The following HSD17B12 variants were observed in gnomAD, a reference collection of about 807,000 sequenced individuals.
HSD17B12 encodes very-long-chain 3-oxoacyl-CoA reductase.
HSD17B12 carries 32 observed loss-of-function variants against 39.3 expected under a neutral mutation model. The observed-to-expected ratio is 0.81, with a 90% CI of 0.61 to 1.09. HSD17B12 has a LOEUF of 1.09. HSD17B12 is among the 50% of genes least tolerant of loss of function. The pLI is 0.00. For synonymous variants in HSD17B12, 150 were observed against 146.7 expected (o/e 1.02, Z -0.16); for missense variants, 342 against 382.9 (o/e 0.89, Z 0.89).
chr11:43,687,883 G>A (rs1337759852), intron 1 of HSD17B12, among the ~76,000 whole-genome samples: 1 of 152,206 alleles, frequency 6.6e-6, no homozygotes, highest in Non-Finnish European at 1.5e-5. Context: ...ATCAGTCTAG[G>A]TATTCAGATA....
At chr11:43,671,425 C>T in the HSD17B12 span, among the ~76,000 whole-genome samples, 1 of 152,260 alleles carries the variant, frequency 6.6e-6, no homozygotes, top group Non-Finnish European at 1.5e-5. Flanking sequence ...AGGTAATCCG[C>T]CAATTTTGGC....
At chr11:43,725,401 C>G (rs1339183921) in intron 1 of HSD17B12, among the ~76,000 whole-genome samples, 1 of 152,136 alleles carries the variant, frequency 6.6e-6, no homozygotes, top group Non-Finnish European at 1.5e-5. Context: ...TTCATAATAA[C>G]AGTAATAACA....
chr11:43,700,656 G>T (rs1007129506), intron 1 of HSD17B12, among the ~76,000 whole-genome samples: 3 of 152,156 alleles, frequency 2.0e-5, no homozygotes, highest in African/African-American at 7.2e-5. Context: ...TGTTGTAAAT[G>T]ACTGGAACTC....
rs149122930 is a variant in HSD17B12, at chr11:43,729,600, G to A, written c.161-21311G>A. On this transcript the variant is annotated intron_variant, in intron 1 of 10. Transcript: ENST00000278353. Reference sequence around the variant, plus strand: ...ATCACTGAAAAGTGCATAAGAGGACGCTTAAATCAGACTTGTATTAAAAGT... The same window carrying A: ...ATCACTGAAAAGTGCATAAGAGGACACTTAAATCAGACTTGTATTAAAAGT... 6.5e-3 allele frequency among the ~76,000 whole-genome samples: 989 copies of A among 152,268 alleles called. 5 individuals are homozygous for A. Among genetic ancestry groups the A allele is most frequent in the Middle Eastern group, 0.054 (16 of 294 alleles).
At chr11:43,627,235 G>A in the HSD17B12 span, among the ~76,000 whole-genome samples, 3 of 80,102 alleles carry the variant, frequency 3.7e-5, no homozygotes, top group African/African-American at 1.2e-4. Context: ...ATTAGTCCTT[G>A]ATTTTTTTTT....
chr11:43,644,060 T>C, the HSD17B12 span, among the ~76,000 whole-genome samples: 8 of 152,044 alleles, frequency 5.3e-5, no homozygotes, highest in South Asian at 4.1e-4. Context: ...TTTGAGAAAA[T>C]TTCCGAAGTT....
At chr11:43,760,124 C>CT (rs1385251789) in intron 3 of HSD17B12, among the ~76,000 whole-genome samples, 1 of 152,176 alleles carries the variant, frequency 6.6e-6, no homozygotes, top group Non-Finnish European at 1.5e-5. Context: ...TCTTGAACTC[C>CT]TGGCTTCATG....
chr11:43,774,024 T>C (rs938440005), intron 3 of HSD17B12, among the ~76,000 whole-genome samples: 2 of 152,180 alleles, frequency 1.3e-5, no homozygotes, highest in Non-Finnish European at 2.9e-5. Context: ...CATATGTGTA[T>C]GCTTATAGAA....
intron 1 of HSD17B12, among the ~76,000 whole-genome samples, chr11:43,712,546 T>C (rs1950077453): frequency 6.6e-6 from 1 of 152,168 alleles, no homozygotes; most frequent in Non-Finnish European, 1.5e-5. Context: ...TGTTTAAATC[T>C]ACCTATGACC....
chr11:43,753,426 C>G (rs1288954202), intron 2 of HSD17B12, among the ~76,000 whole-genome samples: 1 of 148,066 alleles, frequency 6.8e-6, no homozygotes, highest in Admixed American at 6.7e-5. Context: ...GCTCTGTTGC[C>G]CAGGCTGGAG....
the HSD17B12 span, among the ~76,000 whole-genome samples, chr11:43,589,980 T>C: frequency 2.1e-4 from 32 of 152,244 alleles, no homozygotes; most frequent in Admixed American, 2.1e-3. Flanking sequence ...TAAATACACA[T>C]TCCAGTGCAT....
the HSD17B12 span, among the ~76,000 whole-genome samples, chr11:43,629,594 TGAA>T: frequency 2.0e-5 from 3 of 152,202 alleles, no homozygotes; most frequent in South Asian, 6.2e-4. Flanking sequence ...GCTTGTCTGG[TGAA>T]GTTCTCCTCA....
chr11:43,813,843 C>T (rs1309584913), intron 4 of HSD17B12, among the ~76,000 whole-genome samples: 1 of 152,112 alleles, frequency 6.6e-6, no homozygotes, highest in Non-Finnish European at 1.5e-5. Context: ...ATAAAGTTTG[C>T]TTTGTCATTG....
chr11:43,768,413 A>T (rs1293446029), intron 3 of HSD17B12, among the ~76,000 whole-genome samples: 1 of 152,226 alleles, frequency 6.6e-6, no homozygotes, highest in African/African-American at 2.4e-5. Context: ...AGAGCACAGT[A>T]GCACAATCTT....
At chr11:43,798,270 ATGTACTAATTTTCCC>A (rs1311431964) in intron 3 of HSD17B12, 35 bp from the exon 4 acceptor site, 1 of 1,032,174 alleles carries the variant, frequency 9.7e-7, no homozygotes, top group South Asian at 1.3e-5. Context: ...CTTCACTGCC[ATGTACTAATTTTCCC>A]TGTCTCTCCC....
At chr11:43,828,873 C>T (rs116273162) in intron 6 of HSD17B12, among the ~76,000 whole-genome samples, 4,121 of 152,194 alleles carry the variant, frequency 0.027, 190 homozygotes, top group African/African-American at 0.092. Flanking sequence ...CTGAATATAA[C>T]GAAGCCTCTT....
chr11:43,601,920 G>A, the HSD17B12 span, among the ~76,000 whole-genome samples: 1 of 152,190 alleles, frequency 6.6e-6, no homozygotes, highest in South Asian at 2.1e-4. Context: ...GAGCAGATGG[G>A]AACCTTGCCA....
At chr11:43,683,835 CTCTTCATGTGAGTA>C (rs1949773699) in intron 1 of HSD17B12, among the ~76,000 whole-genome samples, 3 of 151,950 alleles carry the variant, frequency 2.0e-5, no homozygotes, top group Non-Finnish European at 4.4e-5. Flanking sequence ...TATTCTTAGT[CTCTTCATGTGAGTA>C]TCTTCATGTG....
chr11:43,828,959 CTT>C lies in HSD17B12; in HGVS notation c.502-2016_502-2015del, dbSNP rs575426610. Among the ~76,000 whole-genome samples the C allele has an allele frequency of 3.2e-4, 48 of 152,210 alleles. No individual in the cohort carries two copies. The East Asian group carries it at 8.3e-3, about 26-fold the overall frequency. On this transcript the variant is annotated intron_variant, in intron 6 of 10. Coordinates refer to ENST00000278353, the MANE Select transcript of HSD17B12 (RefSeq NM_016142.3). ...AGGCTTGAAATTCAATTTATTGTGA[CTT>C]ATAATCTGATTAGAAGGAAAGATAA...
Sources: gnomAD v4.1 joint callset for allele counts (sites outside exome capture counted in the v4.1 genomes callset) on GRCh38, gnomAD v4.1.1 for gene constraint, MANE v1.5 for transcripts, NCBI Gene and HGNC (gene_info 2026-07-23, HGNC 2026-07-21) for gene names.